CYTH1: variants seen among roughly 807,000 people sequenced by gnomAD.
CYTH1 encodes the protein cytohesin 1.
A neutral mutation model predicts 61.8 loss-of-function variants in CYTH1; 18 were observed. The observed-to-expected ratio is 0.29, with a 90% confidence interval of 0.20 to 0.43. CYTH1 has a LOEUF of 0.43. Among genes scored for constraint, CYTH1 ranks in the 20% least tolerant of loss-of-function variants. CYTH1 has a pLI of 1.00. For synonymous variants in CYTH1, 174 were observed against 184.3 expected (o/e 0.94, Z 0.45); for missense variants, 336 against 510.5 (o/e 0.66, Z 3.29).
intron 3 of CYTH1, 88 bp from the exon 4 acceptor site, chr17:78,702,692 G>A: frequency 7.3e-7 from 1 of 1,377,088 alleles, no homozygotes; most frequent in South Asian, 1.2e-5. Flanking sequence ...ATTTACACAG[G>A]TTTTTGAAAG....
chr17:78,774,639 T>C (rs1037916195), intron 1 of CYTH1, among the ~76,000 whole-genome samples: 3 of 152,168 alleles, frequency 2.0e-5, no homozygotes, highest in Non-Finnish European at 4.4e-5. Context: ...CTTTCTTAAA[T>C]GCAACAGGCT....
At chr17:78,719,522 C>T (rs902604309) in intron 1 of CYTH1, among the ~76,000 whole-genome samples, 4 of 152,170 alleles carry the variant, frequency 2.6e-5, no homozygotes, top group Non-Finnish European at 5.9e-5. Flanking sequence ...TTTTTCCCCT[C>T]ACTGAGAAAA....
chr17:78,736,439 G>GAC (rs150310669), intron 1 of CYTH1, among the ~76,000 whole-genome samples: 3 of 150,796 alleles, frequency 2.0e-5, no homozygotes, highest in Admixed American at 2.0e-4. Flanking sequence ...CTCACTCTCT[G>GAC]ACACACACAC....
chr17:78,721,174 A>G (rs1352035196), intron 1 of CYTH1, among the ~76,000 whole-genome samples: 1 of 152,130 alleles, frequency 6.6e-6, no homozygotes, highest in African/African-American at 2.4e-5. Context: ...TACTAAAAAT[A>G]CAAAAATTAG....
Position 78,675,986 on chromosome 17 carries a change from G to T in CYTH1, c.*105C>A. The stretch of plus-strand genomic sequence containing the variant: ...AGCTAGTCTCTAGGAATCCAGGGCG[G>T]GGCCTGGCAGAGGACGCTCTGCTCG... On this transcript the variant is annotated 3_prime_UTR_variant, in exon 14 of 14. Coordinates refer to ENST00000446868, the MANE Select transcript of CYTH1 (RefSeq NM_004762.6). 6.5e-7 allele frequency: 1 copy of T among 1,549,626 alleles called. No homozygotes were observed. Among genetic ancestry groups the T allele is most frequent in the Non-Finnish European group, 8.7e-7 (1 of 1,146,046 alleles).
Position 78,675,957 on chromosome 17 carries a change from C to T in CYTH1, c.*134G>A, listed in dbSNP as rs896306448. ...TCCCACTTAAAAAAAATAGCAAAAG[C>T]TGAAGCTAGTCTCTAGGAATCCAGG... On this transcript the variant is annotated 3_prime_UTR_variant, in exon 14 of 14. Coordinates refer to ENST00000446868, the MANE Select transcript of CYTH1 (RefSeq NM_004762.6). 13 of 1,548,512 alleles carry T rather than the reference C, an allele frequency of 8.4e-6. No homozygotes were observed. The highest frequency in any genetic ancestry group is 1.7e-4 in the Middle Eastern group (1 of 5,988).
At chr17:78,742,745 C>T (rs2093346210) in intron 1 of CYTH1, among the ~76,000 whole-genome samples, 1 of 152,104 alleles carries the variant, frequency 6.6e-6, no homozygotes, top group South Asian at 2.1e-4. Context: ...ATCCCAGCTA[C>T]TCGGGAGGCT....
chr17:78,739,505 G>A (rs1386711718), intron 1 of CYTH1, among the ~76,000 whole-genome samples: 2 of 152,234 alleles, frequency 1.3e-5, no homozygotes, highest in South Asian at 2.1e-4. Flanking sequence ...GCTGGAGCAG[G>A]AAGAACAGTG....
chr17:78,681,184 C>T, intron 11 of CYTH1, 142 bp from the exon 12 acceptor site: 1 of 747,454 alleles, frequency 1.3e-6, no homozygotes, highest in Non-Finnish European at 2.2e-6. Flanking sequence ...GAACTCCTTA[C>T]ATTCTAAACA....
At chr17:78,764,136 T>A (rs1478711969) in intron 1 of CYTH1, among the ~76,000 whole-genome samples, 1 of 151,488 alleles carries the variant, frequency 6.6e-6, no homozygotes, top group Non-Finnish European at 1.5e-5. Flanking sequence ...CATAGAATAA[T>A]CATTTTCTTC....
At chr17:78,779,153 C>A (rs953107957) in intron 1 of CYTH1, among the ~76,000 whole-genome samples, 1 of 152,086 alleles carries the variant, frequency 6.6e-6, no homozygotes, top group Admixed American at 6.5e-5. Flanking sequence ...GTAATCCCAG[C>A]ACTTTGGGAG....
At chr17:78,702,084 A>T (rs994048309) in intron 5 of CYTH1, 38 bp downstream of exon 5, 1 of 1,485,700 alleles carries the variant, frequency 6.7e-7, no homozygotes, top group Non-Finnish European at 9.3e-7. Context: ...GTTCCTGAAC[A>T]GCCTTCCCTA....
At chr17:78,779,529 G>T (rs1397813713) in intron 1 of CYTH1, among the ~76,000 whole-genome samples, 2 of 152,082 alleles carry the variant, frequency 1.3e-5, no homozygotes, top group African/African-American at 4.8e-5. Flanking sequence ...TTGTGAATAG[G>T]TTACCTTACA....
chr17:78,718,914 T>C (rs572099660), intron 1 of CYTH1, among the ~76,000 whole-genome samples: 6 of 152,244 alleles, frequency 3.9e-5, no homozygotes, highest in South Asian at 4.1e-4. Context: ...AATGTCATCA[T>C]TGACGCATTC....
chr17:78,678,447 G>A (rs1363166009), intron 13 of CYTH1: 1 of 152,224 alleles, frequency 6.6e-6, no homozygotes, highest in Non-Finnish European at 1.5e-5. Flanking sequence ...TGAAGTCAGT[G>A]GGGGCGATGC....
chr17:78,758,445 C>CT (rs1160264853), intron 1 of CYTH1, among the ~76,000 whole-genome samples: 2 of 152,330 alleles, frequency 1.3e-5, no homozygotes, highest in East Asian at 3.9e-4. Flanking sequence ...TGGCTCACGC[C>CT]TGTAATCCCA....
intron 1 of CYTH1, among the ~76,000 whole-genome samples, chr17:78,719,226 G>C (rs185807466): frequency 1.3e-5 from 2 of 152,282 alleles, no homozygotes; most frequent in Non-Finnish European, 1.5e-5. Context: ...AAGTTACTTC[G>C]GCTATCTGTG....
intron 1 of CYTH1, among the ~76,000 whole-genome samples, chr17:78,729,922 T>A (rs958490192): frequency 3.9e-5 from 6 of 152,146 alleles, no homozygotes; most frequent in Non-Finnish European, 7.4e-5. Flanking sequence ...CCTGGACTCT[T>A]CCTCTTCTGC....
At chr17:78,730,065 T>A (rs1303998787) in intron 1 of CYTH1, among the ~76,000 whole-genome samples, 1 of 152,112 alleles carries the variant, frequency 6.6e-6, no homozygotes, top group African/African-American at 2.4e-5. Context: ...AGAAGAAACA[T>A]CCTTGGATTC....
Sources: gnomAD v4.1 joint callset for allele counts (sites outside exome capture counted in the v4.1 genomes callset) on GRCh38, gnomAD v4.1.1 for gene constraint, MANE v1.5 for transcripts, NCBI Gene and HGNC (gene_info 2026-07-23, HGNC 2026-07-21) for gene names.